GAREM1: variants seen among roughly 807,000 people sequenced by gnomAD.
GAREM1 encodes GRB2 associated regulator of MAPK1 subtype 1.
Under a neutral mutation model 71.3 loss-of-function variants are expected in GAREM1, and 26 were observed. The ratio of observed to expected loss-of-function variants is 0.36; its 90% confidence interval spans 0.27 to 0.51. The LOEUF (loss-of-function observed/expected upper bound fraction) is 0.51. Ranked by LOEUF, GAREM1 falls within the 20% of genes least tolerant of loss-of-function variation. The pLI, the probability that GAREM1 is intolerant of heterozygous loss-of-function variation, is 0.95. For synonymous variants in GAREM1, 440 were observed against 433.2 expected, an observed-to-expected ratio of 1.02 and a Z score of -0.20; for missense variants, 1,026 against 1,103.1, an observed-to-expected ratio of 0.93 and a Z score of 0.99.
At chr18:32,294,275 C>T (rs1231236056) in intron 3 of GAREM1, among the ~76,000 whole-genome samples, 1 of 152,080 alleles carries the variant, frequency 6.6e-6, no homozygotes, top group African/African-American at 2.4e-5. Context: ...GAAAAAGATA[C>T]GTTATATTAC....
At chr18:32,468,809 A>G (rs1444945791) in intron 1 of GAREM1, among the ~76,000 whole-genome samples, 10 of 152,182 alleles carry the variant, frequency 6.6e-5, no homozygotes, top group Non-Finnish European at 1.5e-4. Context: ...AAGGACTCAC[A>G]ATCTGCCAAT....
Position 32,268,491 on chromosome 18 carries a change from A to T in GAREM1, c.2011T>A (p.Phe671Ile), listed in dbSNP as rs1369496159. ...CTGGCCAGGAGCTCACAGCCATCAA[A>T]ATCAAAAGGTGCTGGGCAGTTTCTC... The part of the protein sequence containing the change: ...PKRNCPAPFD[F>I]DGCELLASPT... Residue 671 changes from phenylalanine (F) to isoleucine (I), a missense_variant, in exon 6 of 6, where the codon TTT (phenylalanine) becomes ATT (isoleucine). Phe to Ile is a conservative substitution (Grantham distance 21). This residue lies in a region of GAREM1 where 636 missense variants were observed against 631.2 expected (regional missense o/e 1.01). Coordinates refer to ENST00000269209, the MANE Select transcript of GAREM1 (RefSeq NM_001242409.2). 6.2e-7 allele frequency: 1 copy of T among 1,614,164 alleles called. No individual in the cohort carries two copies. Among genetic ancestry groups the T allele is most frequent in the East Asian group, 2.2e-5 (1 of 44,884 alleles).
intron 2 of GAREM1, among the ~76,000 whole-genome samples, chr18:32,364,005 T>TATAC (rs1459486600): frequency 2.5e-4 from 11 of 43,238 alleles, no homozygotes; most frequent in African/African-American, 1.1e-3. Context: ...CATATATATA[T>TATAC]ATATATATAT....
At chr18:32,429,070 C>T (rs2048600725) in intron 1 of GAREM1, among the ~76,000 whole-genome samples, 1 of 152,112 alleles carries the variant, frequency 6.6e-6, no homozygotes, top group Non-Finnish European at 1.5e-5. Flanking sequence ...CTTGCAATGA[C>T]ACCTTCCTTT....
intron 2 of GAREM1, among the ~76,000 whole-genome samples, chr18:32,358,058 C>T (rs892899745): frequency 2.4e-4 from 36 of 152,006 alleles, no homozygotes; most frequent in African/African-American, 8.2e-4. Context: ...GGGTGACAAG[C>T]TATTACCCCT....
chr18:32,312,433 G>A (rs1443038137), intron 2 of GAREM1, among the ~76,000 whole-genome samples: 2 of 152,040 alleles, frequency 1.3e-5, no homozygotes, highest in Non-Finnish European at 2.9e-5. Context: ...GTGAAATGAG[G>A]GCTGAAAACT....
At chr18:32,453,641 A>G (rs1412476059) in intron 1 of GAREM1, among the ~76,000 whole-genome samples, 2 of 152,164 alleles carry the variant, frequency 1.3e-5, no homozygotes, top group East Asian at 3.9e-4. Context: ...TTGGATTTAA[A>G]GCCCACTCAG....
At chr18:32,463,902 G>A (rs1200999025) in intron 1 of GAREM1, among the ~76,000 whole-genome samples, 1 of 150,786 alleles carries the variant, frequency 6.6e-6, no homozygotes, top group Non-Finnish European at 1.5e-5. Context: ...CATTATACTA[G>A]GCACTTCTTT....
chr18:32,275,411 G>A (rs1301643343), intron 4 of GAREM1, among the ~76,000 whole-genome samples: 1 of 152,178 alleles, frequency 6.6e-6, no homozygotes, highest in Non-Finnish European at 1.5e-5. Flanking sequence ...TGAAGAGCTG[G>A]CGTTCTGTTT....
chr18:32,299,584 T>C (rs1028770957), intron 3 of GAREM1, among the ~76,000 whole-genome samples: 3 of 151,996 alleles, frequency 2.0e-5, no homozygotes, highest in Non-Finnish European at 1.5e-5. Context: ...TATTCCTTTT[T>C]ACATCTGACA....
At chr18:32,387,710 G>A (rs16963289) in intron 2 of GAREM1, among the ~76,000 whole-genome samples, 30,869 of 152,058 alleles carry the variant, frequency 0.2, 3,870 homozygotes, top group African/African-American at 0.35. Context: ...AGCACATCTA[G>A]ATAATTTCAG....
chr18:32,368,031 C>A (rs891920687), intron 2 of GAREM1, among the ~76,000 whole-genome samples: 2 of 145,744 alleles, frequency 1.4e-5, no homozygotes, highest in Non-Finnish European at 3.0e-5. Flanking sequence ...TCCGTGCTTA[C>A]CCCCCTTTCT....
intron 2 of GAREM1, among the ~76,000 whole-genome samples, chr18:32,329,036 T>C (rs2047501730): frequency 1.3e-5 from 2 of 152,134 alleles, no homozygotes; most frequent in Admixed American, 6.5e-5. Context: ...CTAGCAAGCA[T>C]GTGAAAAGAA....
At chr18:32,457,658 G>C (rs1253674253) in intron 1 of GAREM1, among the ~76,000 whole-genome samples, 2 of 152,078 alleles carry the variant, frequency 1.3e-5, no homozygotes, top group Non-Finnish European at 2.9e-5. Context: ...AAGCTATCTT[G>C]TTGTTTCACT....
rs549099563 is a variant in GAREM1 at position 32,291,082 on chromosome 18, T to C, written c.394-2879A>G. On this transcript the variant is annotated intron_variant, in intron 3 of 5. Coordinates refer to ENST00000269209, the MANE Select transcript of GAREM1 (RefSeq NM_001242409.2). ...TGTCTTTGCAAAATATTGGAACTCA[T>C]CTAAATGCTTAAATATAGGAGGCTG... Among the ~76,000 whole-genome samples, 193 of 152,288 alleles carry C rather than the reference T, an allele frequency of 1.3e-3. 1 individual carries two copies. Among genetic ancestry groups the C allele is most frequent in the Middle Eastern group, 6.8e-3 (2 of 294 alleles).
rs189205719 is a variant in GAREM1, at chr18:32,459,740, G to T, written c.121+10568C>A. On this transcript the variant is annotated intron_variant, in intron 1 of 5. Coordinates refer to ENST00000269209, the MANE Select transcript of GAREM1 (RefSeq NM_001242409.2). Reference sequence around the variant, plus strand: ...AGATCTAGGAGCATAAACTACTGGGGACCAGAAATGACAATGTTAGTTTTT... The same window carrying T: ...AGATCTAGGAGCATAAACTACTGGGTACCAGAAATGACAATGTTAGTTTTT... 2.4e-3 allele frequency among the ~76,000 whole-genome samples: 367 copies of T among 152,198 alleles called. 1 individual carries two copies. The highest frequency in any genetic ancestry group is 0.017 in the Middle Eastern group (5 of 294).
chr18:32,391,618 A>C (rs1383907416), intron 2 of GAREM1, among the ~76,000 whole-genome samples: 4 of 152,098 alleles, frequency 2.6e-5, no homozygotes, highest in African/African-American at 9.7e-5. Context: ...GTATCTCACT[A>C]CTAGTAGGAA....
At chr18:32,299,513 CAA>C (rs57549959) in intron 3 of GAREM1, among the ~76,000 whole-genome samples, 9,395 of 68,798 alleles carry the variant, frequency 0.14, 303 homozygotes, top group African/African-American at 0.24. Flanking sequence ...GACCCCATCT[CAA>C]AAAAAAAAAA....
intron 2 of GAREM1, among the ~76,000 whole-genome samples, chr18:32,342,778 G>A (rs1236715588): frequency 2.0e-5 from 3 of 152,174 alleles, no homozygotes. Context: ...AATAAATGAA[G>A]GGGGTGCTGC....
Sources: gnomAD v4.1 joint callset for allele counts (sites outside exome capture counted in the v4.1 genomes callset) on GRCh38, gnomAD v4.1.1 for gene constraint, gnomAD v4.1.1 regional missense constraint, MANE v1.5 for transcripts, NCBI Gene and HGNC (gene_info 2026-07-23, HGNC 2026-07-21) for gene names.